Variants in PARD3B observed in about 807,000 individuals in gnomAD.
The protein encoded by PARD3B is par-3 family cell polarity regulator beta.
In PARD3B, 103 loss-of-function variants were observed where a neutral mutation model predicts 130.2. The ratio of observed to expected loss-of-function variants is 0.79; its 90% CI spans 0.67 to 0.93. The LOEUF (loss-of-function observed/expected upper bound fraction) is 0.93. Among genes scored for constraint, PARD3B ranks in the 40% least tolerant of loss-of-function variants. The pLI is 0.00. For missense variants in PARD3B, 1,609 were observed against 1,499.2 expected, an observed-to-expected ratio of 1.07 and a Z score of -1.21; for synonymous variants, 583 against 553.2, an observed-to-expected ratio of 1.05 and a Z score of -0.76.
Position 205,253,713 on chromosome 2 carries a change from C to G in PARD3B, c.2185+7891C>G, listed in dbSNP as rs2039953561. ...TGATTGGGAGTAGAAGGAAGAGTGA[C>G]AGGCTAGCATGAGCTGTGCAGCAGC... On this transcript the variant is annotated intron_variant, in intron 16 of 22. Coordinates refer to ENST00000406610, the MANE Select transcript of PARD3B (RefSeq NM_001302769.2). The surrounding 1 kb of genome is among the most constrained non-coding windows in gnomAD (Gnocchi z 4.4). Among the ~76,000 whole-genome samples, 1 of 152,078 alleles carries G rather than the reference C, an allele frequency of 6.6e-6. No individual in the cohort carries two copies. The highest frequency in any genetic ancestry group is 2.1e-4 in the South Asian group (1 of 4,824).
At position 204,799,719 on chromosome 2, in the gene PARD3B, C is replaced by T. The variant is rs1201781876; in HGVS notation, c.222+113437C>T. On this transcript the variant is annotated intron_variant, in intron 2 of 22. Coordinates refer to ENST00000406610, the MANE Select transcript of PARD3B (RefSeq NM_001302769.2). The surrounding 1 kb of genome is among the most constrained non-coding windows in gnomAD (Gnocchi z 4.1). The stretch of plus-strand genomic sequence containing the variant: ...AAGTGAGGGAAGAGAACAAGAGTCT[C>T]TGCCTGGTAATCCAGGGACTTCTCC... Among the ~76,000 whole-genome samples the T allele has an allele frequency of 6.6e-6, 1 of 152,222 alleles. No homozygotes were observed. The highest frequency in any genetic ancestry group is 1.5e-5 in the Non-Finnish European group (1 of 68,042).
At chr2:204,876,227 C>T (rs2045838766) in intron 2 of PARD3B, among the ~76,000 whole-genome samples, 1 of 152,178 alleles carries the variant, frequency 6.6e-6, no homozygotes, top group Admixed American at 6.5e-5. Context: ...TTAATCTTTG[C>T]CTCATAAAAT....
chr2:205,182,562 A>G (rs1052093865), intron 13 of PARD3B, among the ~76,000 whole-genome samples: 4 of 152,244 alleles, frequency 2.6e-5, no homozygotes, highest in East Asian at 1.9e-4. Flanking sequence ...ACAGTCTAGT[A>G]AAAGAAATAG....
At chr2:204,911,308 T>A (rs1331404740) in intron 2 of PARD3B, among the ~76,000 whole-genome samples, 5 of 152,180 alleles carry the variant, frequency 3.3e-5, no homozygotes, top group Non-Finnish European at 7.3e-5. Flanking sequence ...AATACGATAA[T>A]GCTGTGTGAG....
At chr2:204,862,192 G>A (rs1046519361) in intron 2 of PARD3B, among the ~76,000 whole-genome samples, 1 of 151,936 alleles carries the variant, frequency 6.6e-6, no homozygotes, top group Admixed American at 6.6e-5. Flanking sequence ...CTTTTTCCTT[G>A]TCCTCATTTT....
intron 15 of PARD3B, among the ~76,000 whole-genome samples, chr2:205,232,404 C>A (rs532063204): frequency 6.6e-6 from 1 of 152,210 alleles, no homozygotes; most frequent in Non-Finnish European, 1.5e-5. Context: ...CACTGTACTC[C>A]AACTTGGGTA....
Position 204,601,630 on chromosome 2 carries a change from A to G in PARD3B, c.120+55511A>G, listed in dbSNP as rs969777043. ...TAGATCTCTTGTTACAAGAAAAACA[A>G]TCAATGTAGAGCTTAAGCAGTTCGT... On this transcript the variant is annotated intron_variant, in intron 1 of 22. Coordinates refer to ENST00000406610, the MANE Select transcript of PARD3B (RefSeq NM_001302769.2). Among the ~76,000 whole-genome samples the G allele has an allele frequency of 4.7e-4, 71 of 150,224 alleles. 1 individual carries two copies. Among genetic ancestry groups the G allele is most frequent in the Non-Finnish European group, 8.9e-5 (6 of 67,264 alleles).
At chr2:205,041,390 A>G (rs1358875994) in intron 3 of PARD3B, among the ~76,000 whole-genome samples, 1 of 152,230 alleles carries the variant, frequency 6.6e-6, no homozygotes, top group Non-Finnish European at 1.5e-5. Context: ...CTCTTCTTCA[A>G]GCCAGAAATG....
At chr2:205,179,439 A>G (rs1490090131) in intron 13 of PARD3B, among the ~76,000 whole-genome samples, 1 of 152,198 alleles carries the variant, frequency 6.6e-6, no homozygotes, top group East Asian at 1.9e-4. Flanking sequence ...CAGTCCTGCA[A>G]GCTCCATTCA....
At chr2:205,316,627 T>C (rs901916114) in intron 18 of PARD3B, among the ~76,000 whole-genome samples, 3 of 152,080 alleles carry the variant, frequency 2.0e-5, no homozygotes, top group Non-Finnish European at 2.9e-5. Flanking sequence ...GCAGTGAAAA[T>C]AGGATTTAAA....
intron 3 of PARD3B, among the ~76,000 whole-genome samples, chr2:204,998,358 A>ATATATATATG (rs1400529301): frequency 1.9e-4 from 13 of 69,784 alleles, no homozygotes; most frequent in East Asian, 3.0e-4. Context: ...ATATATATAT[A>ATATATATATG]TGTGTGTGTG....
At chr2:204,674,639 A>G (rs1442094424) in intron 1 of PARD3B, among the ~76,000 whole-genome samples, 1 of 152,090 alleles carries the variant, frequency 6.6e-6, no homozygotes, top group African/African-American at 2.4e-5. Context: ...GGCCGCCAGT[A>G]CCTCTTCTGC....
At chr2:205,294,974 T>C (rs1472935254) in intron 16 of PARD3B, among the ~76,000 whole-genome samples, 1 of 152,110 alleles carries the variant, frequency 6.6e-6, no homozygotes, top group Admixed American at 6.6e-5. Flanking sequence ...ATAACATAAC[T>C]TGGGAAATTA....
intron 15 of PARD3B, among the ~76,000 whole-genome samples, chr2:205,242,118 A>G (rs1229762276): frequency 6.6e-6 from 1 of 152,072 alleles, no homozygotes; most frequent in Non-Finnish European, 1.5e-5. Context: ...TCTCTTTTCC[A>G]TTATGTTTAT....
chr2:204,549,520 T>A (rs2030287644), intron 1 of PARD3B, among the ~76,000 whole-genome samples: 1 of 152,188 alleles, frequency 6.6e-6, no homozygotes, highest in African/African-American at 2.4e-5. Context: ...ATTTTAAACA[T>A]TACAAATACC....
At chr2:204,962,450 G>T (rs964924221) in intron 2 of PARD3B, among the ~76,000 whole-genome samples, 2 of 152,090 alleles carry the variant, frequency 1.3e-5, no homozygotes, top group African/African-American at 4.8e-5. Context: ...TTCATGTTCA[G>T]CGCATCTCTG....
chr2:204,871,943 A>C (rs1213103824), intron 2 of PARD3B, among the ~76,000 whole-genome samples: 1 of 152,070 alleles, frequency 6.6e-6, no homozygotes, highest in African/African-American at 2.4e-5. Flanking sequence ...TATCTAAAAC[A>C]CAGTCATTAA....
intron 20 of PARD3B, among the ~76,000 whole-genome samples, chr2:205,478,519 A>C (rs549213884): frequency 6.6e-6 from 1 of 152,302 alleles, no homozygotes; most frequent in African/African-American, 2.4e-5. Flanking sequence ...GCCGGGCTTC[A>C]TTTAACAATA....
chr2:205,307,383 A>G (rs2042222561), intron 18 of PARD3B, among the ~76,000 whole-genome samples: 1 of 152,230 alleles, frequency 6.6e-6, no homozygotes, highest in African/African-American at 2.4e-5. Context: ...TGATTCTTAT[A>G]TAGACCATGA....
Sources: gnomAD v4.1 joint callset for allele counts (sites outside exome capture counted in the v4.1 genomes callset) on GRCh38, gnomAD v4.1.1 for gene constraint, Gnocchi (gnomAD v3.1) non-coding constraint, MANE v1.5 for transcripts, NCBI Gene and HGNC (gene_info 2026-07-23, HGNC 2026-07-21) for gene names.